TENM3: variants seen among roughly 807,000 people sequenced by gnomAD.
TENM3 encodes teneurin transmembrane protein 3, also known as teneurin-3.
Under a neutral mutation model 255.1 loss-of-function variants are expected in TENM3, and 63 were observed. The observed-to-expected ratio is 0.25, with a 90% CI of 0.20 to 0.30. TENM3 has a LOEUF of 0.30. TENM3 is among the 10% of genes least tolerant of loss of function. The pLI, the probability that TENM3 is intolerant of heterozygous loss-of-function variation, is 1.00. For missense variants in TENM3, 2,929 were observed against 3,461.1 expected (o/e 0.85, Z 3.86); for synonymous variants, 1,306 against 1,322.3 (o/e 0.99, Z 0.27).
chr4:182,144,736 C>T (rs1481434645), exon 1 of TENM3: 3 of 146,568 alleles, frequency 2.0e-5, no homozygotes, highest in African/African-American at 7.4e-5. Flanking sequence ...GAGCCGGCGG[C>T]GCGGGCGAGC....
At chr4:182,347,057 A>G (rs1764875055) in intron 3 of TENM3, 128 bp downstream of exon 3, 2 of 880,940 alleles carry the variant, frequency 2.3e-6, no homozygotes, top group Non-Finnish European at 1.7e-6. Flanking sequence ...TTTCTTGTCC[A>G]TTTCTTTTTG....
chr4:182,385,485 G>A (rs1005909904), intron 3 of TENM3, among the ~76,000 whole-genome samples: 6 of 151,974 alleles, frequency 3.9e-5, no homozygotes, highest in Non-Finnish European at 5.9e-5. Context: ...GGCTGGTCTC[G>A]AACCTCTAAC....
chr4:181,507,755 G>T, the TENM3 span, among the ~76,000 whole-genome samples: 1 of 152,210 alleles, frequency 6.6e-6, no homozygotes, highest in Non-Finnish European at 1.5e-5. Context: ...TCAACAATCA[G>T]TTGCAGATAA....
At chr4:182,625,387 C>G (rs193090311) in intron 4 of TENM3, among the ~76,000 whole-genome samples, 1 of 152,082 alleles carries the variant, frequency 6.6e-6, no homozygotes, top group Admixed American at 6.5e-5. Flanking sequence ...GGAGCACAAA[C>G]GCTGTTGTGA....
At chr4:181,921,001 C>T in the TENM3 span, among the ~76,000 whole-genome samples, 5 of 152,318 alleles carry the variant, frequency 3.3e-5, no homozygotes, top group East Asian at 9.6e-4. Flanking sequence ...ATCCTTTCCC[C>T]ATTGCTTATT....
intron 1 of TENM3, among the ~76,000 whole-genome samples, chr4:182,147,144 G>A (rs1579502104): frequency 6.6e-6 from 1 of 152,186 alleles, no homozygotes; most frequent in Non-Finnish European, 1.5e-5. Context: ...CTTTGCTTCT[G>A]GGAGCCAAGA....
chr4:182,101,615 G>A, the TENM3 span, among the ~76,000 whole-genome samples: 1 of 152,132 alleles, frequency 6.6e-6, no homozygotes, highest in African/African-American at 2.4e-5. Context: ...GAGGCAGGGG[G>A]GATGATGGGC....
intron 1 of TENM3, among the ~76,000 whole-genome samples, chr4:182,176,279 A>G (rs1051946122): frequency 8.5e-5 from 13 of 152,166 alleles, no homozygotes; most frequent in African/African-American, 2.9e-4. Flanking sequence ...CTTCAAAATG[A>G]ACTAGCAGTG....
the TENM3 span, among the ~76,000 whole-genome samples, chr4:182,091,416 AGG>A: frequency 6.6e-6 from 1 of 152,244 alleles, no homozygotes; most frequent in Non-Finnish European, 1.5e-5. Flanking sequence ...AGCAACCCCT[AGG>A]GCTGAGGTAG....
chr4:182,360,754 A>T (rs368425656), intron 3 of TENM3, among the ~76,000 whole-genome samples: 10 of 151,482 alleles, frequency 6.6e-5, no homozygotes, highest in South Asian at 2.1e-4. Flanking sequence ...GTGAATTTGA[A>T]CCTGTCATTA....
At chr4:181,894,509 A>T in the TENM3 span, among the ~76,000 whole-genome samples, 1 of 152,212 alleles carries the variant, frequency 6.6e-6, no homozygotes, top group South Asian at 2.1e-4. Flanking sequence ...ACTTATTTGA[A>T]GAGTGACATT....
At chr4:182,299,322 A>C (rs748118075) in intron 1 of TENM3, among the ~76,000 whole-genome samples, 1 of 152,168 alleles carries the variant, frequency 6.6e-6, no homozygotes. Flanking sequence ...GAAATGCTAA[A>C]GTAAGACTTT....
chr4:182,108,934 T>C, the TENM3 span, among the ~76,000 whole-genome samples: 52 of 152,210 alleles, frequency 3.4e-4, no homozygotes, highest in East Asian at 5.8e-3. Context: ...TTCAATTTCT[T>C]AGACTGAAAG....
chr4:182,095,667 A>T, the TENM3 span, among the ~76,000 whole-genome samples: 3 of 152,166 alleles, frequency 2.0e-5, no homozygotes, highest in African/African-American at 7.2e-5. Context: ...GCACAGTAGG[A>T]TGACTGTAGT....
At chr4:182,690,109 G>A (rs1756901407) in intron 12 of TENM3, among the ~76,000 whole-genome samples, 1 of 152,114 alleles carries the variant, frequency 6.6e-6, no homozygotes, top group Non-Finnish European at 1.5e-5. Flanking sequence ...ATTTCCAGAT[G>A]CCAGCCAAGG....
chr4:181,901,670 A>G, the TENM3 span, among the ~76,000 whole-genome samples: 1 of 152,168 alleles, frequency 6.6e-6, no homozygotes, highest in Non-Finnish European at 1.5e-5. Context: ...ACATCAGCAC[A>G]CACATTTCCA....
chr4:181,905,264 G>A, the TENM3 span, among the ~76,000 whole-genome samples: 1 of 152,004 alleles, frequency 6.6e-6, no homozygotes. Context: ...TCACTTACTG[G>A]TGGTAAGCCT....
At chr4:182,310,433 G>A (rs1173675804) in intron 1 of TENM3, among the ~76,000 whole-genome samples, 1 of 152,144 alleles carries the variant, frequency 6.6e-6, no homozygotes, top group East Asian at 1.9e-4. Flanking sequence ...CAGGAGGCAG[G>A]CTTTCTCCAA....
chr4:182,116,501 G>A, the TENM3 span, among the ~76,000 whole-genome samples: 9 of 152,118 alleles, frequency 5.9e-5, no homozygotes, highest in Admixed American at 3.9e-4. Context: ...GTGATGTTGA[G>A]ATGACATGGT....
Sources: gnomAD v4.1 joint callset for allele counts (sites outside exome capture counted in the v4.1 genomes callset) on GRCh38, gnomAD v4.1.1 for gene constraint, MANE v1.5 for transcripts, NCBI Gene and HGNC (gene_info 2026-07-23, HGNC 2026-07-21) for gene names.